The following DCP1A variants were observed in gnomAD, a reference collection of about 807,000 sequenced individuals.
The protein encoded by DCP1A is mRNA-decapping enzyme 1A.
A neutral mutation model predicts 58.0 loss-of-function variants in DCP1A; 20 were observed. The observed-to-expected ratio is 0.34, with a 90% confidence interval of 0.24 to 0.50. DCP1A has a LOEUF of 0.50. Among genes scored for constraint, DCP1A ranks in the 20% least tolerant of loss-of-function variants. The pLI, the probability that DCP1A is intolerant of heterozygous loss-of-function variation, is 0.98. For synonymous variants in DCP1A, 285 were observed against 275.1 expected (o/e 1.04, Z -0.36); for missense variants, 613 against 712.2 (o/e 0.86, Z 1.59).
At chr3:53,319,111 T>C (rs1302030364) in intron 4 of DCP1A, among the ~76,000 whole-genome samples, 3 of 152,250 alleles carry the variant, frequency 2.0e-5, no homozygotes, top group Middle Eastern at 3.4e-3. Context: ...GCTGTTGATA[T>C]GAAAAGCAGT....
Position 53,292,506 on chromosome 3 carries a change from G to C in DCP1A, c.946C>G (p.Pro316Ala), listed in dbSNP as rs782594632. Residue 316 changes from proline to alanine, a missense_variant, in exon 7 of 10, where the codon CCT becomes GCT. By Grantham distance (27) the Pro-to-Ala change is conservative. Transcript: ENST00000610213. ...GCTGGCAGAGTGGGACTGAGAACAG[G>C]GCTCAACGGGATTGTGTAGGTTGGA... ...HAPTYTIPLS[P>A]VLSPTLPAEA... 6.2e-7 allele frequency: 1 copy of C among 1,613,970 alleles called. No homozygotes were observed. The highest frequency in any genetic ancestry group is 1.1e-5 in the South Asian group (1 of 91,086).
intron 3 of DCP1A, among the ~76,000 whole-genome samples, chr3:53,325,579 CT>C (rs1708083807): frequency 6.6e-6 from 1 of 152,088 alleles, no homozygotes; most frequent in South Asian, 2.1e-4. Flanking sequence ...AGAAAACGGG[CT>C]TTGGGTATAG....
At chr3:53,323,497 A>G (rs1173657493) in intron 3 of DCP1A, among the ~76,000 whole-genome samples, 1 of 152,216 alleles carries the variant, frequency 6.6e-6, no homozygotes, top group Non-Finnish European at 1.5e-5. Flanking sequence ...ACTGAAGTCC[A>G]AATACAAAAA....
rs150717546 is a variant in DCP1A at position 53,318,523 on chromosome 3, C to T, written c.371+884G>A. On this transcript the variant is annotated intron_variant, in intron 4 of 9. Transcript: ENST00000610213. The stretch of plus-strand genomic sequence containing the variant: ...AAAGCAGAGGTGCACCAGAATATAC[C>T]GTCTACCTATTATAGCATTTTGCCC... Among the ~76,000 whole-genome samples, 6 of 152,020 alleles carry T rather than the reference C, an allele frequency of 3.9e-5. 1 individual carries two copies. The highest frequency in any genetic ancestry group is 4.1e-4 in the South Asian group (2 of 4,822).
chr3:53,347,390 T>C lies in DCP1A; in HGVS notation c.128A>G (p.Asn43Ser). ...VALYTFCPKA[N>S]QWEKTDIEGT... ...GGGCCAGGCGGCACTCACCCACTGG[T>C]TGGCCTTGGGGCAGAAGGTGTACAG... Residue 43 changes from asparagine to serine, a missense_variant, in exon 1 of 10, where the codon AAC (asparagine) becomes AGC (serine). Asn to Ser is a conservative substitution (Grantham distance 46). Coordinates refer to ENST00000610213, the MANE Select transcript of DCP1A (RefSeq NM_018403.7). 3 of 1,599,322 alleles carry C rather than the reference T, an allele frequency of 1.9e-6. No homozygotes were observed. Among genetic ancestry groups the C allele is most frequent in the South Asian group, 1.1e-5 (1 of 90,110 alleles).
intron 4 of DCP1A, among the ~76,000 whole-genome samples, chr3:53,314,432 G>A (rs1489156634): frequency 6.6e-6 from 1 of 152,080 alleles, no homozygotes; most frequent in Non-Finnish European, 1.5e-5. Flanking sequence ...CTGAAAGACT[G>A]GTATGGGATA....
rs782672624 is a variant in DCP1A, at chr3:53,345,023, C to T, written c.136-81G>A. ...GTCCCCATGGAGAAGTAATGCTTCACGTTTAAGATCAACTTGTTTCATTTC... is the reference window on the plus strand; with the variant it reads ...GTCCCCATGGAGAAGTAATGCTTCATGTTTAAGATCAACTTGTTTCATTTC... On this transcript the variant is annotated intron_variant, in intron 1 of 9. Transcript: ENST00000610213. The T allele has an allele frequency of 7.8e-5, 82 of 1,044,936 alleles. 1 individual carries two copies. Among genetic ancestry groups the T allele is most frequent in the Non-Finnish European group, 1.1e-4 (75 of 698,226 alleles). 64.7% of individuals were successfully genotyped at this position (1,044,936 alleles called of 1,614,324 possible).
intron 9 of DCP1A, 22 bp from the exon 10 acceptor site, chr3:53,287,682 A>G: frequency 6.4e-7 from 1 of 1,554,310 alleles, no homozygotes; most frequent in Non-Finnish European, 8.9e-7. Flanking sequence ...GGTAAAGGTT[A>G]AGGATACGAA....
rs1706670898 is a variant in DCP1A at position 53,287,319 on chromosome 3, T to C, written c.*261A>G. 2 of 362,000 alleles carry C rather than the reference T, an allele frequency of 5.5e-6. No homozygotes were observed. Among genetic ancestry groups the C allele is most frequent in the South Asian group, 4.9e-5 (1 of 20,452 alleles). 22.4% of individuals were successfully genotyped at this position (362,000 alleles called of 1,614,324 possible). ...CTCCTAGCTGATGAAAACACCCACA[T>C]AACTTAACACAATGATCGCTCTCTT... On this transcript the variant is annotated 3_prime_UTR_variant, in exon 10 of 10. Coordinates refer to ENST00000610213, the MANE Select transcript of DCP1A (RefSeq NM_018403.7).
In DCP1A at chr3:53,339,503, A is replaced by G. The variant is rs138844913; in HGVS notation, c.304+2641T>C. 3.9e-5 allele frequency among the ~76,000 whole-genome samples: 6 copies of G among 152,370 alleles called. No individual in the cohort carries two copies. In the East Asian group the frequency reaches 1.2e-3, roughly 29 times the overall value. The stretch of plus-strand genomic sequence containing the variant: ...TAAAGTTATAAAATATTGACATTTT[A>G]ATGCCGACCCCAGGTTATTCTCTGG... On this transcript the variant is annotated intron_variant, in intron 3 of 9. Coordinates refer to ENST00000610213, the MANE Select transcript of DCP1A (RefSeq NM_018403.7).
intron 6 of DCP1A, among the ~76,000 whole-genome samples, chr3:53,301,257 A>G (rs1465731420): frequency 2.0e-5 from 3 of 151,948 alleles, no homozygotes; most frequent in Non-Finnish European, 2.9e-5. Flanking sequence ...ACTTCCTAGA[A>G]AACAGTTTGG....
intron 3 of DCP1A, among the ~76,000 whole-genome samples, chr3:53,323,025 C>A (rs1282086336): frequency 6.6e-6 from 1 of 152,030 alleles, no homozygotes; most frequent in Non-Finnish European, 1.5e-5. Flanking sequence ...GGGGTTTAAC[C>A]ATGTTAGCCA....
chr3:53,347,533 C>T lies in DCP1A; in HGVS notation c.-16G>A. On this transcript the variant is annotated 5_prime_UTR_variant, in exon 1 of 10. Transcript: ENST00000610213. Reference sequence around the variant, plus strand: ...GCGCCTCCATCTTGAATCCCAGAGCCTAGCCCCTCTGGTGGGGGCGGAGTC... The same window carrying T: ...GCGCCTCCATCTTGAATCCCAGAGCTTAGCCCCTCTGGTGGGGGCGGAGTC... The T allele has an allele frequency of 6.2e-7, 1 of 1,601,642 alleles. No homozygotes were observed.
chr3:53,322,142 C>T (rs1707985534), intron 3 of DCP1A, among the ~76,000 whole-genome samples: 2 of 152,054 alleles, frequency 1.3e-5, no homozygotes, highest in South Asian at 4.2e-4. Flanking sequence ...GACTTCATGG[C>T]AAATCTTAAC....
In DCP1A at chr3:53,286,063, C is replaced by A. The variant is rs1387670484; in HGVS notation, c.*1517G>T. 3 of 152,188 alleles carry A rather than the reference C, an allele frequency of 2.0e-5. No homozygotes were observed. The highest frequency in any genetic ancestry group is 4.4e-5 in the Non-Finnish European group (3 of 68,034). The allele number at this position is 152,188 out of a possible 1,614,324, so 9.4% of individuals were successfully genotyped here. ...TTTAGATCAACAAAAGCCAATCATT[C>A]TTTATGCTAAAAACTAAGACCAAAC... On this transcript the variant is annotated 3_prime_UTR_variant, in exon 10 of 10. Coordinates refer to ENST00000610213, the MANE Select transcript of DCP1A (RefSeq NM_018403.7).
chr3:53,294,052 C>T (rs1707026544), intron 6 of DCP1A, among the ~76,000 whole-genome samples: 1 of 152,142 alleles, frequency 6.6e-6, no homozygotes, highest in Non-Finnish European at 1.5e-5. Context: ...CTGAGAGCCA[C>T]ACGTGCTTCA....
chr3:53,306,160 T>G (rs1553688031), intron 5 of DCP1A, among the ~76,000 whole-genome samples: 1 of 152,230 alleles, frequency 6.6e-6, no homozygotes, highest in African/African-American at 2.4e-5. Context: ...ATTAAATGGA[T>G]GGCATGTGTT....
chr3:53,314,493 A>AC (rs1707739083), intron 4 of DCP1A, among the ~76,000 whole-genome samples: 2 of 152,156 alleles, frequency 1.3e-5, no homozygotes, highest in Admixed American at 1.3e-4. Context: ...AATATAGGCC[A>AC]CATCAGCCTG....
intron 4 of DCP1A, among the ~76,000 whole-genome samples, chr3:53,315,534 C>CA (rs1211486616): frequency 0.19 from 11,975 of 64,604 alleles, 1,207 homozygotes; most frequent in Middle Eastern, 0.28. Flanking sequence ...GACTCTGTCT[C>CA]AAAAAAAAAA....
Sources: allele counts gnomAD v4.1 joint callset (sites outside exome capture counted in the v4.1 genomes callset), GRCh38; gene constraint gnomAD v4.1.1; transcripts MANE v1.5; gene names NCBI Gene and HGNC (gene_info 2026-07-23, HGNC 2026-07-21).